The following GALNT2 variants were observed in gnomAD, a reference collection of about 807,000 sequenced individuals.
The protein encoded by GALNT2 is polypeptide N-acetylgalactosaminyltransferase 2.
Under a neutral mutation model 81.4 loss-of-function variants are expected in GALNT2, and 31 were observed. The ratio of observed to expected loss-of-function variants is 0.38; its 90% CI spans 0.29 to 0.51. The LOEUF is 0.51. GALNT2 is among the 20% of genes least tolerant of loss of function. The probability of loss-of-function intolerance (pLI) is 0.87; values close to 1 mark genes in which losing one functional copy is unlikely to be tolerated. For synonymous variants in GALNT2, 303 were observed against 287.4 expected (o/e 1.05, Z -0.55); for missense variants, 629 against 765.7 (o/e 0.82, Z 2.11).
Position 230,226,899 on chromosome 1 carries a change from C to T in GALNT2, c.375-9115C>T, listed in dbSNP as rs552638092. On this transcript the variant is annotated intron_variant, in intron 3 of 15. Transcript: ENST00000366672. ...CTGCAGGGTGTAAACCTAAAGAAAG[C>T]AGAAGGAAGGAAATAAGGAAGGTAA... 3.9e-5 allele frequency among the ~76,000 whole-genome samples: 6 copies of T among 151,918 alleles called. No individual in the cohort carries two copies. The East Asian group carries it at 5.8e-4, about 15-fold the overall frequency.
chr1:230,092,185 T>TGTTTTTTTTTTTTTTTTTTTTTTTTTG (rs371156205), intron 1 of GALNT2, among the ~76,000 whole-genome samples: 30 of 114,220 alleles, frequency 2.6e-4, no homozygotes, highest in Middle Eastern at 9.7e-3. Flanking sequence ...AGTTTTTTTT[T>TGTTTTTTTTTTTTTTTTTTTTTTTTTG]TTTTTTTTTT....
intron 11 of GALNT2, chr1:230,259,511 T>C (rs1463737214): frequency 1.3e-5 from 2 of 152,196 alleles, no homozygotes; most frequent in Non-Finnish European, 2.9e-5. Flanking sequence ...AAGAGTTTAG[T>C]TCACACAGAG....
chr1:230,207,381 G>A (rs188684743), intron 3 of GALNT2, among the ~76,000 whole-genome samples: 146 of 152,110 alleles, frequency 9.6e-4, no homozygotes, highest in Non-Finnish European at 2.9e-5. Flanking sequence ...ATAGATACAA[G>A]GAATAAGGCT....
At chr1:230,172,363 A>G (rs946803340) in intron 1 of GALNT2, among the ~76,000 whole-genome samples, 4 of 152,216 alleles carry the variant, frequency 2.6e-5, no homozygotes, top group Non-Finnish European at 5.9e-5. Context: ...GCCCTAGGCA[A>G]ACCTTCAGAG....
At chr1:230,136,641 A>G (rs988600389) in intron 1 of GALNT2, among the ~76,000 whole-genome samples, 1 of 151,886 alleles carries the variant, frequency 6.6e-6, no homozygotes, top group Admixed American at 6.6e-5. Flanking sequence ...GCGCCCCTTC[A>G]GGAGCGCTGG....
At chr1:230,137,428 TGCA>T (rs1239319379) in intron 1 of GALNT2, among the ~76,000 whole-genome samples, 5 of 152,204 alleles carry the variant, frequency 3.3e-5, no homozygotes, top group Admixed American at 3.3e-4. Context: ...GCCTGCAGGC[TGCA>T]GTGGCTGACC....
At chr1:230,116,197 G>T (rs531596620) in intron 1 of GALNT2, among the ~76,000 whole-genome samples, 4 of 152,168 alleles carry the variant, frequency 2.6e-5, no homozygotes, top group Admixed American at 6.5e-5. Context: ...TATAAGAGGA[G>T]TCACTATCTA....
chr1:230,279,407 T>G lies in GALNT2; in HGVS notation c.1665T>G (p.Cys555Trp). ...GCGGGGGCCTAAGCGTGGAGGTGTG[T>G]GGCCCGGCCCTTTCGCAGCAGTGGA... ...AKSGGLSVEV[C>W]GPALSQQWKF... Residue 555 changes from cysteine (C) to tryptophan (W), a missense_variant, in exon 16 of 16, where the codon TGT becomes TGG. Transcript: ENST00000366672. This position sits in a 1 kb window ranked among gnomAD's most constrained non-coding sequence, Gnocchi z 4.6. The G allele has an allele frequency of 6.2e-7, 1 of 1,614,122 alleles. No homozygotes were observed. Among genetic ancestry groups the G allele is most frequent in the Non-Finnish European group, 8.5e-7 (1 of 1,180,026 alleles).
chr1:230,203,304 T>G lies in GALNT2; in HGVS notation c.374+14T>G. The G allele has an allele frequency of 2.5e-6, 4 of 1,610,562 alleles. No homozygotes were observed. Among genetic ancestry groups the G allele is most frequent in the Non-Finnish European group, 3.4e-6 (4 of 1,177,182 alleles). On this transcript the variant is annotated intron_variant, in intron 3 of 15. Coordinates refer to ENST00000366672, the MANE Select transcript of GALNT2 (RefSeq NM_004481.5). ...CCGGCATGACCAGTAAGTACCCCAC[T>G]AAGCACCTGCTGCAGCTTCATTTGC...
At chr1:230,181,020 T>G (rs1343141352) in intron 2 of GALNT2, among the ~76,000 whole-genome samples, 1 of 152,238 alleles carries the variant, frequency 6.6e-6, no homozygotes, top group Non-Finnish European at 1.5e-5. Context: ...TGTTTCAGGT[T>G]TTCTGCACAG....
intron 3 of GALNT2, among the ~76,000 whole-genome samples, chr1:230,210,107 C>T (rs1054557203): frequency 1.3e-5 from 2 of 152,166 alleles, no homozygotes; most frequent in Non-Finnish European, 2.9e-5. Context: ...CAGGCTGGAG[C>T]GTTTCCGGGA....
At chr1:230,083,850 T>C (rs1314775290) in intron 1 of GALNT2, among the ~76,000 whole-genome samples, 2 of 152,126 alleles carry the variant, frequency 1.3e-5, no homozygotes, top group African/African-American at 4.8e-5. Context: ...TGTTAGCCCT[T>C]CCAATAGAAG....
At chr1:230,113,695 G>A (rs143682338) in intron 1 of GALNT2, among the ~76,000 whole-genome samples, 26 of 152,220 alleles carry the variant, frequency 1.7e-4, no homozygotes, top group Non-Finnish European at 3.2e-4. Flanking sequence ...GACAGCGTGC[G>A]GGATTTCAGA....
chr1:230,104,195 C>G (rs896971755), intron 1 of GALNT2, among the ~76,000 whole-genome samples: 1 of 152,020 alleles, frequency 6.6e-6, no homozygotes, highest in Non-Finnish European at 1.5e-5. Flanking sequence ...GGTGGGGGGC[C>G]GAGGGAGGCA....
intron 3 of GALNT2, among the ~76,000 whole-genome samples, chr1:230,233,608 C>T (rs770368920): frequency 7.9e-5 from 12 of 151,474 alleles, no homozygotes; most frequent in Middle Eastern, 3.2e-3. Context: ...AGCAAGACTC[C>T]GTCTCAAAAG....
intron 2 of GALNT2, among the ~76,000 whole-genome samples, chr1:230,183,007 T>G (rs1438214361): frequency 2.0e-5 from 3 of 152,266 alleles, no homozygotes; most frequent in African/African-American, 7.2e-5. Flanking sequence ...TGTGTAGTTC[T>G]GTCTTGATCC....
intron 3 of GALNT2, among the ~76,000 whole-genome samples, chr1:230,220,200 T>C (rs1421475024): frequency 6.6e-6 from 1 of 152,102 alleles, no homozygotes; most frequent in Non-Finnish European, 1.5e-5. Flanking sequence ...AGTCATCAGG[T>C]CAGGTTTTAC....
intron 1 of GALNT2, among the ~76,000 whole-genome samples, chr1:230,083,544 A>G: frequency 6.6e-6 from 1 of 152,206 alleles, no homozygotes; most frequent in East Asian, 1.9e-4. Flanking sequence ...GACTGATAGA[A>G]CAGAGGAAAT....
chr1:230,147,455 A>G (rs1427621951), intron 1 of GALNT2, among the ~76,000 whole-genome samples: 1 of 152,234 alleles, frequency 6.6e-6, no homozygotes, highest in Non-Finnish European at 1.5e-5. Flanking sequence ...AGCCCCTGCC[A>G]CGGGACTGCT....
Sources: allele counts gnomAD v4.1 joint callset (sites outside exome capture counted in the v4.1 genomes callset), GRCh38; gene constraint gnomAD v4.1.1; non-coding constraint Gnocchi (gnomAD v3.1); transcripts MANE v1.5; gene names NCBI Gene and HGNC (gene_info 2026-07-23, HGNC 2026-07-21).